Variants in C21orf91 observed in about 807,000 individuals in gnomAD.
The protein encoded by C21orf91 is protein EURL homolog.
A neutral mutation model predicts 32.9 loss-of-function variants in C21orf91; 26 were observed. The observed-to-expected ratio is 0.79, with a 90% CI of 0.58 to 1.10. C21orf91 has a LOEUF of 1.10. C21orf91 is among the 50% of genes least tolerant of loss of function. C21orf91 has a pLI of 0.00. For missense variants in C21orf91, 310 were observed against 341.3 expected (o/e 0.91, Z 0.72); for synonymous variants, 126 against 120.4 (o/e 1.05, Z -0.31).
chr21:17,793,562 A>T lies in C21orf91; in HGVS notation c.747T>A (p.Thr249=), dbSNP rs76915028. The T allele has an allele frequency of 2.1e-3, 3,327 of 1,610,336 alleles. 108 individuals are homozygous for T. In the East Asian group the frequency reaches 0.066, roughly 32 times the overall value. The change falls in exon 5 of 5, where the codon ACT becomes ACA. Residue 249 remains threonine, a synonymous_variant. Transcript: ENST00000284881. ...AAGAATCTTTTTCTTGCACTTGGTG[A>T]GTTAACTCTTCAAAAACTTCTGTAA... The part of the protein sequence containing the change: ...QQIQEVFEEL[T]HQVQEKDSLA...
At chr21:17,810,335 T>C (rs1441042259) in intron 2 of C21orf91, among the ~76,000 whole-genome samples, 2 of 152,246 alleles carry the variant, frequency 1.3e-5, no homozygotes, top group Non-Finnish European at 2.9e-5. Context: ...AAATTTTTCT[T>C]AAGTTTTAAT....
rs886606028 is a variant in C21orf91, at chr21:17,789,437, A to G, written c.*3978T>C. On this transcript the variant is annotated 3_prime_UTR_variant, in exon 5 of 5. Transcript: ENST00000284881. ...CCTTTGCTTTAGGTGTAGTTGAGGGAAGTTCAACTAATCTTTAAACCTTTT... is the reference window on the plus strand; with the variant it reads ...CCTTTGCTTTAGGTGTAGTTGAGGGGAGTTCAACTAATCTTTAAACCTTTT... 8 of 152,160 alleles carry G rather than the reference A, an allele frequency of 5.3e-5. No individual in the cohort carries two copies. The highest frequency in any genetic ancestry group is 5.9e-5 in the Non-Finnish European group (4 of 68,002). The allele number at this position is 152,160 out of a possible 1,614,324, so 9.4% of individuals were successfully genotyped here. A position where few individuals can be genotyped will look rare whatever the true frequency, so the allele number is the denominator to read the frequency against.
rs532154242 is a variant in C21orf91, at chr21:17,817,663, A to C, written c.127+529T>G. 6.6e-5 allele frequency: 10 copies of C among 152,256 alleles called. No homozygotes were observed. The East Asian group carries it at 1.4e-3, about 21-fold the overall frequency. 9.4% of individuals were successfully genotyped at this position (152,256 alleles called of 1,614,324 possible). ...TCATATATCTTAGGGACATTATTAA[A>C]AAAATTTTAAAAACCTTTTCAGGTT... On this transcript the variant is annotated intron_variant, in intron 2 of 4. Coordinates refer to ENST00000284881, the MANE Select transcript of C21orf91 (RefSeq NM_001100420.2).
At chr21:17,807,194 C>T (rs113803384) in intron 2 of C21orf91, among the ~76,000 whole-genome samples, 5 of 152,084 alleles carry the variant, frequency 3.3e-5, no homozygotes, top group South Asian at 2.1e-4. Flanking sequence ...TGGAGGAGGG[C>T]GCTGGTAGGA....
At chr21:17,807,812 T>TG (rs1173990617) in intron 2 of C21orf91, among the ~76,000 whole-genome samples, 1 of 152,148 alleles carries the variant, frequency 6.6e-6, no homozygotes, top group Admixed American at 6.5e-5. Flanking sequence ...GGCTATCTGG[T>TG]GGAAGAAATT....
chr21:17,801,344 T>C (rs190437228), intron 2 of C21orf91, among the ~76,000 whole-genome samples: 55 of 151,650 alleles, frequency 3.6e-4, no homozygotes, highest in African/African-American at 5.1e-4. Context: ...GATCTCGGCT[T>C]ACTGCAAGCT....
intron 2 of C21orf91, among the ~76,000 whole-genome samples, chr21:17,799,743 G>A (rs1293548454): frequency 6.6e-6 from 1 of 152,002 alleles, no homozygotes; most frequent in African/African-American, 2.4e-5. Flanking sequence ...ACAAAATGTA[G>A]GTTCTGTGAA....
intron 2 of C21orf91, among the ~76,000 whole-genome samples, chr21:17,800,473 CTCA>C (rs1216323791): frequency 1.3e-5 from 2 of 152,070 alleles, no homozygotes; most frequent in African/African-American, 4.8e-5. Context: ...TTGTTTCTAC[CTCA>C]TCAGTTCAAA....
chr21:17,810,941 C>T (rs145092156), intron 2 of C21orf91: 1 of 152,306 alleles, frequency 6.6e-6, no homozygotes, highest in South Asian at 2.1e-4. Flanking sequence ...GTATTTTTGG[C>T]TATTCCACAG....
At position 17,799,961 on chromosome 21, in the gene C21orf91, G is replaced by A. The variant is rs185987261; in HGVS notation, c.128-2843C>T. Among the ~76,000 whole-genome samples, 155 of 152,236 alleles carry A rather than the reference G, an allele frequency of 1.0e-3. 1 individual carries two copies. The East Asian group carries it at 0.015, about 15-fold the overall frequency. On this transcript the variant is annotated intron_variant, in intron 2 of 4. Transcript: ENST00000284881. ...TTGCAGTTCTGCCAGGCTACTCAGC[G>A]GGTAATTAAAGGTGTCTTTCAGTGA...
chr21:17,815,484 G>C (rs2062659301), intron 2 of C21orf91, among the ~76,000 whole-genome samples: 1 of 151,998 alleles, frequency 6.6e-6, no homozygotes, highest in Non-Finnish European at 1.5e-5. Context: ...GTAGAGGAAA[G>C]AAAACTTCAA....
intron 2 of C21orf91, among the ~76,000 whole-genome samples, chr21:17,798,800 G>A (rs2062539276): frequency 6.6e-6 from 1 of 152,184 alleles, no homozygotes; most frequent in African/African-American, 2.4e-5. Context: ...ACGCATTTTA[G>A]ATAATAAGAC....
rs780270000 is a variant in C21orf91, at chr21:17,797,110, T to G, written c.136A>C (p.Lys46Gln). 3.2e-6 allele frequency: 5 copies of G among 1,570,568 alleles called. No individual in the cohort carries two copies. The highest frequency in any genetic ancestry group is 4.3e-6 in the Non-Finnish European group (5 of 1,161,904). Residue 46 changes from lysine to glutamine, a missense_variant, in exon 3 of 5, where the codon AAG becomes CAG. Physicochemically the swap from Lys to Gln is moderately conservative, Grantham distance 53. Coordinates refer to ENST00000284881, the MANE Select transcript of C21orf91 (RefSeq NM_001100420.2). ...CFELNIEGVP[K>Q]SDLLHTKSLR... ...GATTTGGTGTGCAAGAGATCAGACT[T>G]TGGTACCCCTATGGAAAAAAAAGAG...
intron 3 of C21orf91, among the ~76,000 whole-genome samples, chr21:17,796,307 AG>A (rs2062517280): frequency 1.3e-5 from 2 of 152,214 alleles, no homozygotes; most frequent in African/African-American, 4.8e-5. Flanking sequence ...TACGAGTCCT[AG>A]ATGTTCCAAT....
rs1345231196 is a variant in C21orf91, at chr21:17,790,558, T to C, written c.*2857A>G. ...GTATATAAAAATGGGCACTTTGTGG[T>C]AAAATGAACATGTGTTTTGAAAAAC... On this transcript the variant is annotated 3_prime_UTR_variant, in exon 5 of 5. Coordinates refer to ENST00000284881, the MANE Select transcript of C21orf91 (RefSeq NM_001100420.2). The C allele has an allele frequency of 6.6e-6, 1 of 152,086 alleles. No homozygotes were observed. The highest frequency in any genetic ancestry group is 1.5e-5 in the Non-Finnish European group (1 of 67,924). 9.4% of individuals were successfully genotyped at this position (152,086 alleles called of 1,614,324 possible).
chr21:17,797,952 A>AT (rs1030322307), intron 2 of C21orf91, among the ~76,000 whole-genome samples: 1 of 152,100 alleles, frequency 6.6e-6, no homozygotes, highest in Non-Finnish European at 1.5e-5. Flanking sequence ...ACATTTTCAA[A>AT]TATCTAATAC....
chr21:17,809,933 G>C (rs954884425), intron 2 of C21orf91, among the ~76,000 whole-genome samples: 3 of 152,142 alleles, frequency 2.0e-5, no homozygotes, highest in African/African-American at 4.8e-5. Flanking sequence ...ACAGCAAAGA[G>C]CTACCAGAAA....
chr21:17,818,673 C>G (rs1405214255), intron 1 of C21orf91, among the ~76,000 whole-genome samples: 1 of 152,264 alleles, frequency 6.6e-6, no homozygotes, highest in Admixed American at 6.5e-5. Context: ...GCAGCGAGGC[C>G]TTTTCAGCTA....
rs1487814245 is a variant in C21orf91, at chr21:17,791,554, A to G, written c.*1861T>C. Reference sequence around the variant, plus strand: ...CCTAACTCATCTAAACACAAACCCAAATGTGTGCAAACACACTGGCTGGTA... The same window carrying G: ...CCTAACTCATCTAAACACAAACCCAGATGTGTGCAAACACACTGGCTGGTA... On this transcript the variant is annotated 3_prime_UTR_variant, in exon 5 of 5. Coordinates refer to ENST00000284881, the MANE Select transcript of C21orf91 (RefSeq NM_001100420.2). 6.6e-6 allele frequency: 1 copy of G among 152,174 alleles called. No homozygotes were observed. Among genetic ancestry groups the G allele is most frequent in the Non-Finnish European group, 1.5e-5 (1 of 67,986 alleles). 9.4% of individuals were successfully genotyped at this position (152,174 alleles called of 1,614,324 possible). A position where few individuals can be genotyped will look rare whatever the true frequency, so the allele number is the denominator to read the frequency against.
Sources: gnomAD v4.1 joint callset for allele counts (sites outside exome capture counted in the v4.1 genomes callset) on GRCh38, gnomAD v4.1.1 for gene constraint, MANE v1.5 for transcripts, NCBI Gene and HGNC (gene_info 2026-07-23, HGNC 2026-07-21) for gene names.